The following COG5 variants were observed in gnomAD, a reference collection of about 807,000 sequenced individuals.
COG5 encodes component of oligomeric golgi complex 5.
In COG5, 86 loss-of-function variants were observed where a neutral mutation model predicts 110.4. The observed-to-expected ratio is 0.78, with a 90% CI of 0.65 to 0.93. The LOEUF (loss-of-function observed/expected upper bound fraction) is 0.93, where lower values mean the gene tolerates loss of function less well. COG5 is among the 40% of genes least tolerant of loss of function. COG5 has a pLI of 0.00. For missense variants in COG5, 1,077 were observed against 987.0 expected (o/e 1.09, Z -1.22); for synonymous variants, 360 against 334.6 (o/e 1.08, Z -0.83).
Position 107,505,800 on chromosome 7 carries a change from C to A in COG5, c.538+21437G>T, listed in dbSNP as rs1798951212. ...TTGATGTGGTACACTCTCCCTTCCC[C>A]TAGAAACAGGTGTCCCTAAGGGCAA... On this transcript the variant is annotated intron_variant, in intron 6 of 21. Coordinates refer to ENST00000297135, the MANE Select transcript of COG5 (RefSeq NM_006348.5). Among the ~76,000 whole-genome samples the A allele has an allele frequency of 2.6e-5, 4 of 152,202 alleles. No homozygotes were observed. In the South Asian group the frequency reaches 8.3e-4, roughly 32 times the overall value.
chr7:107,437,141 G>C (rs952206257), intron 6 of COG5, among the ~76,000 whole-genome samples: 4 of 152,060 alleles, frequency 2.6e-5, no homozygotes, highest in Admixed American at 6.6e-5. Flanking sequence ...GAATTAGTAT[G>C]AGTTTCAAAT....
chr7:107,398,971 G>C (rs1191532005), intron 7 of COG5, among the ~76,000 whole-genome samples: 1 of 152,138 alleles, frequency 6.6e-6, no homozygotes, highest in South Asian at 2.1e-4. Context: ...GGAGGCCGAA[G>C]CAGGGAGATC....
intron 14 of COG5, among the ~76,000 whole-genome samples, chr7:107,275,806 G>A (rs935227792): frequency 5.3e-5 from 8 of 151,322 alleles, no homozygotes; most frequent in African/African-American, 1.9e-4. Context: ...TTATAGGCAT[G>A]AGCCACCATA....
chr7:107,361,997 C>A, intron 10 of COG5, 36 bp downstream of exon 10: 1 of 1,407,488 alleles, frequency 7.1e-7, no homozygotes, highest in Non-Finnish European at 9.9e-7. Flanking sequence ...CTGTTTTGTA[C>A]AAGAAAGATG....
chr7:107,563,561 G>A, intron 1 of COG5: 1 of 447,098 alleles, frequency 2.2e-6, no homozygotes, highest in Non-Finnish European at 4.1e-6. Context: ...GGGGGGGGTC[G>A]AGTTGAAATG....
intron 7 of COG5, among the ~76,000 whole-genome samples, chr7:107,378,668 G>T (rs898869246): frequency 1.3e-5 from 2 of 152,138 alleles, no homozygotes; most frequent in Non-Finnish European, 2.9e-5. Context: ...CGGAAGAAAA[G>T]ATATAAAAGA....
intron 10 of COG5, among the ~76,000 whole-genome samples, chr7:107,342,154 T>A (rs1177839756): frequency 1.3e-5 from 2 of 151,966 alleles, no homozygotes; most frequent in Non-Finnish European, 2.9e-5. Flanking sequence ...CCAGAATCTG[T>A]AAGGAACTTA....
chr7:107,279,282 G>T (rs1040011094), intron 14 of COG5, among the ~76,000 whole-genome samples: 6 of 152,242 alleles, frequency 3.9e-5, no homozygotes, highest in Admixed American at 1.3e-4. Context: ...AAAAAGTCAG[G>T]AAACAACAGA....
chr7:107,479,528 G>A (rs898026796), intron 6 of COG5, among the ~76,000 whole-genome samples: 11 of 152,072 alleles, frequency 7.2e-5, no homozygotes, highest in Admixed American at 2.6e-4. Flanking sequence ...GACAGGCAAC[G>A]TGAAGGCAGA....
At chr7:107,258,120 T>C (rs924307343) in intron 15 of COG5, among the ~76,000 whole-genome samples, 153 bp downstream of exon 15, 2 of 152,164 alleles carry the variant, frequency 1.3e-5, no homozygotes, top group African/African-American at 4.8e-5. Flanking sequence ...AGTCAAAGAC[T>C]GTTTAAAAGA....
chr7:107,272,236 G>C (rs1373284592), intron 14 of COG5, among the ~76,000 whole-genome samples: 5 of 152,170 alleles, frequency 3.3e-5, no homozygotes, highest in African/African-American at 7.2e-5. Context: ...TGCTCACTGA[G>C]ATAAATGTAT....
intron 17 of COG5, among the ~76,000 whole-genome samples, chr7:107,246,936 A>G (rs998206420): frequency 1.3e-5 from 2 of 152,234 alleles, no homozygotes; most frequent in African/African-American, 2.4e-5. Flanking sequence ...TCATCGCAGC[A>G]CTATTCACAA....
At chr7:107,520,321 A>G (rs973873110) in intron 6 of COG5, among the ~76,000 whole-genome samples, 2 of 152,202 alleles carry the variant, frequency 1.3e-5, no homozygotes, top group African/African-American at 4.8e-5. Flanking sequence ...GAAAGAAATA[A>G]AGCGTATTCA....
At chr7:107,505,171 C>G (rs1039360857) in intron 6 of COG5, among the ~76,000 whole-genome samples, 3 of 152,078 alleles carry the variant, frequency 2.0e-5, no homozygotes, top group Non-Finnish European at 4.4e-5. Flanking sequence ...ATTTTATTTA[C>G]TGGATTGAAT....
intron 1 of COG5, among the ~76,000 whole-genome samples, chr7:107,559,404 GAAAC>G (rs956235799): frequency 3.9e-5 from 6 of 152,142 alleles, no homozygotes; most frequent in Non-Finnish European, 8.8e-5. Context: ...GAGAGATTAT[GAAAC>G]AAACAAAATA....
At chr7:107,442,492 GTT>G (rs5886415) in intron 6 of COG5, among the ~76,000 whole-genome samples, 9 of 145,794 alleles carry the variant, frequency 6.2e-5, no homozygotes, top group South Asian at 2.2e-4. Flanking sequence ...GTTTTTTGTT[GTT>G]TTTTTTTTTT....
intron 11 of COG5, among the ~76,000 whole-genome samples, chr7:107,311,248 G>A (rs934704648): frequency 2.0e-5 from 3 of 152,014 alleles, no homozygotes; most frequent in Non-Finnish European, 4.4e-5. Flanking sequence ...TTTTCCTCAC[G>A]GGCTTGCCAA....
At chr7:107,465,415 C>A (rs944310400) in intron 6 of COG5, among the ~76,000 whole-genome samples, 5 of 151,748 alleles carry the variant, frequency 3.3e-5, no homozygotes, top group African/African-American at 1.2e-4. Context: ...GATCTGTAGG[C>A]CAAGAACTAC....
intron 6 of COG5, among the ~76,000 whole-genome samples, chr7:107,497,440 A>G (rs979712813): frequency 6.6e-6 from 1 of 152,210 alleles, no homozygotes; most frequent in African/African-American, 2.4e-5. Context: ...TAAAAAATTC[A>G]GTAAAGTTGC....
Sources: allele counts gnomAD v4.1 joint callset (sites outside exome capture counted in the v4.1 genomes callset), GRCh38; gene constraint gnomAD v4.1.1; transcripts MANE v1.5; gene names NCBI Gene and HGNC (gene_info 2026-07-23, HGNC 2026-07-21).